The following PLCXD3 variants were observed in gnomAD, a reference collection of about 807,000 sequenced individuals.
The protein encoded by PLCXD3 is phosphatidylinositol specific phospholipase C X domain containing 3.
Under a neutral mutation model 25.5 loss-of-function variants are expected in PLCXD3, and 19 were observed. The ratio of observed to expected loss-of-function variants is 0.75; its 90% CI spans 0.52 to 1.09. The LOEUF is 1.09. Among genes scored for constraint, PLCXD3 ranks in the 50% least tolerant of loss-of-function variants. The pLI, the probability that PLCXD3 is intolerant of heterozygous loss-of-function variation, is 0.00. For missense variants in PLCXD3, 411 were observed against 388.1 expected, an observed-to-expected ratio of 1.06 and a Z score of -0.50; for synonymous variants, 174 against 137.6, an observed-to-expected ratio of 1.26 and a Z score of -1.85.
chr5:41,383,506 TC>T (rs949143150), intron 1 of PLCXD3, among the ~76,000 whole-genome samples: 12 of 152,116 alleles, frequency 7.9e-5, no homozygotes, highest in South Asian at 2.1e-4. Context: ...GCATTTTATT[TC>T]TTAAAGCCTC....
At chr5:41,438,135 A>G (rs1326004482) in intron 1 of PLCXD3, among the ~76,000 whole-genome samples, 1 of 152,182 alleles carries the variant, frequency 6.6e-6, no homozygotes, top group Non-Finnish European at 1.5e-5. Context: ...GAATCCCTGA[A>G]TGCCTAAGTA....
chr5:41,476,952 C>T (rs1324788368), intron 1 of PLCXD3, among the ~76,000 whole-genome samples: 1 of 152,188 alleles, frequency 6.6e-6, no homozygotes, highest in Non-Finnish European at 1.5e-5. Flanking sequence ...GAGATGTTTA[C>T]AAAATGTAGT....
intron 2 of PLCXD3, among the ~76,000 whole-genome samples, chr5:41,367,783 T>C (rs186325371): frequency 1.3e-5 from 2 of 152,340 alleles, no homozygotes; most frequent in East Asian, 3.9e-4. Context: ...GTTTTACATT[T>C]AAGTCTTTAA....
chr5:41,466,715 G>T (rs1323128573), intron 1 of PLCXD3, among the ~76,000 whole-genome samples: 1 of 151,918 alleles, frequency 6.6e-6, no homozygotes, highest in Middle Eastern at 3.4e-3. Flanking sequence ...CCAACTCCCT[G>T]CCTCCCTCAG....
intron 1 of PLCXD3, among the ~76,000 whole-genome samples, chr5:41,449,689 A>G (rs941762519): frequency 6.6e-6 from 1 of 152,110 alleles, no homozygotes; most frequent in Non-Finnish European, 1.5e-5. Flanking sequence ...AGGACATACT[A>G]TAGGAGTGCC....
At chr5:41,501,547 AG>A (rs750026126) in intron 1 of PLCXD3, among the ~76,000 whole-genome samples, 4 of 151,964 alleles carry the variant, frequency 2.6e-5, no homozygotes, top group Admixed American at 6.6e-5. Context: ...GAGGGGGAAA[AG>A]GGAAGTTTCT....
At chr5:41,390,809 T>G (rs529622996) in intron 1 of PLCXD3, among the ~76,000 whole-genome samples, 25 of 152,244 alleles carry the variant, frequency 1.6e-4, no homozygotes, top group African/African-American at 5.8e-4. Flanking sequence ...TGAGAGAGGC[T>G]CTGAAGAGAT....
intron 2 of PLCXD3, among the ~76,000 whole-genome samples, chr5:41,360,689 A>G (rs1040109276): frequency 6.6e-6 from 1 of 151,690 alleles, no homozygotes; most frequent in African/African-American, 2.4e-5. Flanking sequence ...GAGTGTCTGC[A>G]AAGAGTCTTG....
chr5:41,490,819 C>A (rs900129304), intron 1 of PLCXD3, among the ~76,000 whole-genome samples: 2 of 152,108 alleles, frequency 1.3e-5, no homozygotes, highest in African/African-American at 4.8e-5. Context: ...TTTGATTCTT[C>A]TCTCTTTTCT....
At chr5:41,396,681 G>A (rs1746017625) in intron 1 of PLCXD3, among the ~76,000 whole-genome samples, 1 of 152,208 alleles carries the variant, frequency 6.6e-6, no homozygotes, top group African/African-American at 2.4e-5. Flanking sequence ...TTCTAGAGAT[G>A]TGTTGAATGG....
intron 2 of PLCXD3, among the ~76,000 whole-genome samples, chr5:41,337,236 A>T (rs553975968): frequency 6.6e-6 from 1 of 152,222 alleles, no homozygotes; most frequent in South Asian, 2.1e-4. Flanking sequence ...TAAATGACTT[A>T]TTGTCAGTGA....
intron 1 of PLCXD3, among the ~76,000 whole-genome samples, chr5:41,505,930 G>A (rs1479372338): frequency 6.6e-6 from 1 of 152,086 alleles, no homozygotes; most frequent in African/African-American, 2.4e-5. Context: ...CAATAGAAAG[G>A]GCCTAGTAAA....
chr5:41,456,632 G>C, intron 1 of PLCXD3: 1 of 588,842 alleles, frequency 1.7e-6, no homozygotes. Context: ...CTAATGTGAG[G>C]GTATTTGGAG....
intron 2 of PLCXD3, among the ~76,000 whole-genome samples, chr5:41,320,822 A>T (rs1447609870): frequency 6.6e-6 from 1 of 152,256 alleles, no homozygotes; most frequent in Non-Finnish European, 1.5e-5. Flanking sequence ...GATACATCAC[A>T]TCAACAGAAA....
chr5:41,370,500 T>C (rs1745064418), intron 2 of PLCXD3, among the ~76,000 whole-genome samples: 1 of 152,206 alleles, frequency 6.6e-6, no homozygotes, highest in South Asian at 2.1e-4. Flanking sequence ...GTGATGTTAG[T>C]TAGTTATTTA....
At chr5:41,374,365 C>G (rs1289744436) in intron 2 of PLCXD3, among the ~76,000 whole-genome samples, 1 of 152,084 alleles carries the variant, frequency 6.6e-6, no homozygotes, top group Non-Finnish European at 1.5e-5. Flanking sequence ...TCTGGAGCTT[C>G]CTTTTGATTT....
At chr5:41,354,659 T>C (rs541456135) in intron 2 of PLCXD3, among the ~76,000 whole-genome samples, 1 of 152,290 alleles carries the variant, frequency 6.6e-6, no homozygotes, top group African/African-American at 2.4e-5. Flanking sequence ...GTAGCAAAAA[T>C]AGAAGCCCGT....
At chr5:41,507,924 T>C (rs780911987) in intron 1 of PLCXD3, among the ~76,000 whole-genome samples, 2 of 152,238 alleles carry the variant, frequency 1.3e-5, no homozygotes, top group African/African-American at 2.4e-5. Flanking sequence ...TATCAAAGTT[T>C]GAATATCTTT....
At chr5:41,439,217 G>T (rs950309605) in intron 1 of PLCXD3, among the ~76,000 whole-genome samples, 11 of 152,022 alleles carry the variant, frequency 7.2e-5, no homozygotes, top group Admixed American at 3.3e-4. Context: ...AAAAATAGAA[G>T]GTTTCTAAGA....
Sources: gnomAD v4.1 joint callset for allele counts (sites outside exome capture counted in the v4.1 genomes callset) on GRCh38, gnomAD v4.1.1 for gene constraint, MANE v1.5 for transcripts, NCBI Gene and HGNC (gene_info 2026-07-23, HGNC 2026-07-21) for gene names.